ANKRD26: variants seen among roughly 807,000 people sequenced by gnomAD.
ANKRD26 encodes ankyrin repeat domain 26, also known as ankyrin repeat domain-containing protein 26.
ANKRD26 carries 141 observed loss-of-function variants against 208.7 expected under a neutral mutation model. The observed-to-expected ratio is 0.68, with a 90% CI of 0.59 to 0.78. The LOEUF (loss-of-function observed/expected upper bound fraction) is 0.78, where lower values mean the gene tolerates loss of function less well. Among genes scored for constraint, ANKRD26 ranks in the 30% least tolerant of loss-of-function variants. ANKRD26 has a pLI of 0.00. For synonymous variants in ANKRD26, 636 were observed against 660.4 expected (o/e 0.96, Z 0.57); for missense variants, 1,889 against 1,938.7 (o/e 0.97, Z 0.48).
At chr10:27,099,663 G>A (rs1050436641) in intron 1 of ANKRD26, among the ~76,000 whole-genome samples, 4 of 152,104 alleles carry the variant, frequency 2.6e-5, no homozygotes, top group Non-Finnish European at 4.4e-5. Context: ...TTACAGGCGC[G>A]AGCCACCGCG....
At chr10:27,053,434 G>A (rs1564394557) in intron 15 of ANKRD26, 44 bp from the exon 16 acceptor site, 4 of 1,305,958 alleles carry the variant, frequency 3.1e-6, no homozygotes, top group Non-Finnish European at 4.4e-6. Context: ...ACTTAGAACA[G>A]TTAGGTAAAA....
chr10:27,083,544 G>A (rs1163711688), intron 5 of ANKRD26, among the ~76,000 whole-genome samples: 1 of 151,924 alleles, frequency 6.6e-6, no homozygotes, highest in Non-Finnish European at 1.5e-5. Context: ...GCCTAACATA[G>A]TGAGACCTCA....
At chr10:27,075,906 C>A (rs1210202943) in intron 9 of ANKRD26, among the ~76,000 whole-genome samples, 1 of 152,208 alleles carries the variant, frequency 6.6e-6, no homozygotes, top group Non-Finnish European at 1.5e-5. Flanking sequence ...AGTATCTTCT[C>A]AGACCACAGC....
the ANKRD26 span, among the ~76,000 whole-genome samples, chr10:26,967,534 A>C: frequency 0.55 from 83,075 of 151,492 alleles, 23,337 homozygotes; most frequent in Non-Finnish European, 0.59. Flanking sequence ...ACACTCAATT[A>C]TCTCTCTAGC....
chr10:26,993,599 G>A (rs1194878436), intron 5 of ANKRD26, among the ~76,000 whole-genome samples: 4 of 152,226 alleles, frequency 2.6e-5, no homozygotes, highest in African/African-American at 9.6e-5. Context: ...GGACTAAGGT[G>A]AGGGTTGCTG....
the ANKRD26 span, among the ~76,000 whole-genome samples, chr10:26,963,902 G>GTTTTT: frequency 1.7e-3 from 116 of 66,968 alleles, 25 homozygotes; most frequent in Non-Finnish European, 2.6e-3. Flanking sequence ...ATGGTTGGTT[G>GTTTTT]GTTTTTTTTT....
chr10:27,065,358 T>A (rs886617715), intron 11 of ANKRD26, among the ~76,000 whole-genome samples: 1 of 152,106 alleles, frequency 6.6e-6, no homozygotes, highest in Non-Finnish European at 1.5e-5. Flanking sequence ...AAACAGAAAT[T>A]TATTCAAGTT....
At chr10:26,966,986 C>T in the ANKRD26 span, among the ~76,000 whole-genome samples, 5 of 152,150 alleles carry the variant, frequency 3.3e-5, no homozygotes, top group African/African-American at 1.2e-4. Flanking sequence ...ATTAAGATAT[C>T]CATCTCGTCT....
intron 6 of ANKRD26, among the ~76,000 whole-genome samples, chr10:27,081,556 A>G (rs778739140): frequency 2.6e-4 from 39 of 152,198 alleles, no homozygotes; most frequent in Non-Finnish European, 4.9e-4. Context: ...CAAGATGTTA[A>G]ACACAGATTG....
At chr10:27,077,276 T>G in intron 9 of ANKRD26, 62 bp downstream of exon 9, 3 of 1,351,608 alleles carry the variant, frequency 2.2e-6, no homozygotes, top group Non-Finnish European at 3.2e-6. Flanking sequence ...AGATGCATCA[T>G]TATGAGGATT....
chr10:27,005,770 T>C (rs1466177288), intron 33 of ANKRD26, 47 bp from the exon 34 acceptor site: 4 of 1,574,392 alleles, frequency 2.5e-6, no homozygotes, highest in African/African-American at 1.4e-5. Flanking sequence ...AAAGATTTCA[T>C]AGTTAACTAA....
At chr10:27,039,765 T>C (rs1286849398) in intron 21 of ANKRD26, among the ~76,000 whole-genome samples, 200 bp downstream of exon 21, 1 of 152,168 alleles carries the variant, frequency 6.6e-6, no homozygotes, top group African/African-American at 2.4e-5. Context: ...ACATAGCCAT[T>C]AAAGTGATTT....
At chr10:27,093,046 G>A (rs550646501) in intron 3 of ANKRD26, among the ~76,000 whole-genome samples, 35 of 151,806 alleles carry the variant, frequency 2.3e-4, no homozygotes, top group Non-Finnish European at 3.4e-4. Context: ...CCGAGATCGC[G>A]CCTCTGCACT....
At chr10:27,002,865 CACT>C (rs2052756158), downstream of ANKRD26, among the ~76,000 whole-genome samples, 1 of 152,094 alleles carries the variant, frequency 6.6e-6, no homozygotes, top group Non-Finnish European at 1.5e-5. Context: ...ACAGCACCAC[CACT>C]ACAACCACTA....
chr10:27,017,012 ACT>A (rs1228845495), intron 30 of ANKRD26, among the ~76,000 whole-genome samples: 2 of 152,076 alleles, frequency 1.3e-5, no homozygotes, highest in Non-Finnish European at 2.9e-5. Flanking sequence ...ACAAAGCAAG[ACT>A]CTGTTTCTAC....
chr10:27,024,551 A>G lies in ANKRD26; in HGVS notation c.3981T>C (p.Asp1327=). The change falls in exon 28 of 34, where the codon GAT becomes GAC. Residue 1327 remains aspartate, a synonymous_variant. Transcript: ENST00000376087. ...KNLLNANLSE[D]EKEQLKKLME... is the part of the protein sequence containing the mutation. ...TAAGTTTCTTTAATTGTTCCTTTTCATCTTCAGACTTTGAAACAAAATATT... is the reference window on the plus strand; with the variant it reads ...TAAGTTTCTTTAATTGTTCCTTTTCGTCTTCAGACTTTGAAACAAAATATT... 6.5e-7 allele frequency: 1 copy of G among 1,535,554 alleles called. No individual in the cohort carries two copies. The highest frequency in any genetic ancestry group is 9.0e-7 in the Non-Finnish European group (1 of 1,111,918).
chr10:27,061,327 T>G, intron 12 of ANKRD26, 85 bp from the exon 13 acceptor site: 5 of 822,750 alleles, frequency 6.1e-6, no homozygotes, highest in African/African-American at 1.7e-5. Context: ...TAGATATTAA[T>G]AACATTTTAT....
chr10:27,081,928 G>A (rs1449712911), intron 6 of ANKRD26, among the ~76,000 whole-genome samples: 1 of 151,924 alleles, frequency 6.6e-6, no homozygotes, highest in African/African-American at 2.4e-5. Context: ...AGTAGAGACA[G>A]GGTTTCACCG....
chr10:27,005,792 TAA>T, intron 33 of ANKRD26, 69 bp from the exon 34 acceptor site: 2 of 1,537,926 alleles, frequency 1.3e-6, no homozygotes, highest in Non-Finnish European at 1.7e-6. Context: ...TGGAAGTCAG[TAA>T]AAGAGTTGAG....
Sources: allele counts gnomAD v4.1 joint callset (sites outside exome capture counted in the v4.1 genomes callset), GRCh38; gene constraint gnomAD v4.1.1; transcripts MANE v1.5; gene names NCBI Gene and HGNC (gene_info 2026-07-23, HGNC 2026-07-21).